The following PYROXD1 variants were observed in gnomAD, a reference collection of about 807,000 sequenced individuals.
The protein encoded by PYROXD1 is pyridine nucleotide-disulphide oxidoreductase domain 1.
Under a neutral mutation model 62.0 loss-of-function variants are expected in PYROXD1, and 42 were observed. The ratio of observed to expected loss-of-function variants is 0.68; its 90% CI spans 0.53 to 0.88. The LOEUF is 0.88. Ranked by LOEUF, PYROXD1 falls within the 40% of genes least tolerant of loss-of-function variation. The probability of loss-of-function intolerance (pLI) is 0.00; values close to 1 mark genes in which losing one functional copy is unlikely to be tolerated. For synonymous variants in PYROXD1, 170 were observed against 206.4 expected (o/e 0.82, Z 1.51); for missense variants, 493 against 604.8 (o/e 0.82, Z 1.94).
intron 10 of PYROXD1, among the ~76,000 whole-genome samples, chr12:21,465,160 T>C (rs1337937300): frequency 4.6e-5 from 7 of 152,216 alleles, no homozygotes; most frequent in Non-Finnish European, 1.0e-4. Flanking sequence ...AGCAGCATGA[T>C]TTATAATCCT....
At chr12:21,459,582 G>A (rs1942657432) in intron 7 of PYROXD1, among the ~76,000 whole-genome samples, 1 of 152,172 alleles carries the variant, frequency 6.6e-6, no homozygotes, top group South Asian at 2.1e-4. Flanking sequence ...AAAACACCCG[G>A]GGCATGCAAT....
chr12:21,437,728 A>C lies in PYROXD1; in HGVS notation c.-3A>C. The C allele has an allele frequency of 6.2e-7, 1 of 1,611,432 alleles. No individual in the cohort carries two copies. The highest frequency in any genetic ancestry group is 8.5e-7 in the Non-Finnish European group (1 of 1,179,190). ...TTCAGTAAACCACTGGGAGTCCGGC[A>C]GCATGGAGGCAGCGCGCCCTCCCCC... is the stretch of plus-strand genomic sequence containing the variant. On this transcript the variant is annotated 5_prime_UTR_variant, in exon 1 of 12. Transcript: ENST00000240651.
chr12:21,440,758 A>G (rs986361715), intron 2 of PYROXD1, among the ~76,000 whole-genome samples: 2 of 152,202 alleles, frequency 1.3e-5, no homozygotes, highest in African/African-American at 2.4e-5. Context: ...GATCTTGGAA[A>G]AGCTTTCAGC....
intron 5 of PYROXD1, among the ~76,000 whole-genome samples, chr12:21,453,349 A>G (rs1043007187): frequency 6.6e-6 from 1 of 152,006 alleles, no homozygotes; most frequent in Non-Finnish European, 1.5e-5. Flanking sequence ...TTAAAAATGG[A>G]CCCACATAAT....
At position 21,468,818 on chromosome 12, in the gene PYROXD1, A is replaced by G; in HGVS notation, c.*64A>G. On this transcript the variant is annotated 3_prime_UTR_variant, in exon 12 of 12. Transcript: ENST00000240651. Reference sequence around the variant, plus strand: ...GACACCAGAAAAATCACAAGTCAATAAAATGAATGACTGTATTGAGTTAAT... The same window carrying G: ...GACACCAGAAAAATCACAAGTCAATGAAATGAATGACTGTATTGAGTTAAT... 2 of 1,444,586 alleles carry G rather than the reference A, an allele frequency of 1.4e-6. No individual in the cohort carries two copies. Among genetic ancestry groups the G allele is most frequent in the South Asian group, 2.7e-5 (2 of 75,128 alleles). The allele number at this position is 1,444,586 out of a possible 1,614,324, so 89.5% of individuals were successfully genotyped here.
At chr12:21,437,982 G>C (rs1457313940) in intron 1 of PYROXD1, 168 bp downstream of exon 1, 3 of 645,618 alleles carry the variant, frequency 4.6e-6, no homozygotes, top group Admixed American at 3.0e-5. Flanking sequence ...GTGGTCCTCA[G>C]ATGACCTCAC....
At chr12:21,456,989 A>C in intron 7 of PYROXD1, 1 of 376,900 alleles carries the variant, frequency 2.7e-6, no homozygotes. Flanking sequence ...ATGTAGTCTC[A>C]TCTTCAGGAT....
At position 21,456,346 on chromosome 12, in the gene PYROXD1, C is replaced by A. The variant is rs4306326; in HGVS notation, c.750+251C>A. The stretch of plus-strand genomic sequence containing the variant: ...GAGGTGTGATACTGTAATATATATA[C>A]AGTCATACCTTGGAGTATTGCAGGT... On this transcript the variant is annotated intron_variant, in intron 7 of 11. Coordinates refer to ENST00000240651, the MANE Select transcript of PYROXD1 (RefSeq NM_024854.5). 0.19 allele frequency among the ~76,000 whole-genome samples: 29,394 copies of A among 151,918 alleles called. 3,077 individuals carry two copies. The highest frequency in any genetic ancestry group is 0.24 in the South Asian group (1,156 of 4,816).
At chr12:21,453,286 G>A (rs73067991) in intron 5 of PYROXD1, among the ~76,000 whole-genome samples, 3,049 of 152,128 alleles carry the variant, frequency 0.02, 34 homozygotes, top group Middle Eastern at 0.051. Flanking sequence ...ATTGAAGACT[G>A]TATAATTGGA....
At chr12:21,460,803 C>T (rs1190140134) in intron 7 of PYROXD1, 4 of 308,158 alleles carry the variant, frequency 1.3e-5, no homozygotes, top group Non-Finnish European at 2.4e-5. Context: ...ATGCTATCTG[C>T]TAATGCAGCT....
At chr12:21,447,995 A>AC in intron 3 of PYROXD1, 1 of 364,608 alleles carries the variant, frequency 2.7e-6, no homozygotes, top group South Asian at 5.9e-5. Flanking sequence ...AAAAAAAAAA[A>AC]CACATGCGTA....
rs1942707680 is a variant in PYROXD1 at position 21,462,051 on chromosome 12, T to C, written c.924T>C (p.Tyr308=). Residue 308 remains tyrosine (Y), a synonymous_variant, in exon 9 of 12, where the codon TAT becomes TAC. Coordinates refer to ENST00000240651, the MANE Select transcript of PYROXD1 (RefSeq NM_024854.5). Reference sequence around the variant, plus strand: ...TGGAATTGACCAATGAAAAGATATATGGCTGCGATTTCATTGTCAGTGCTA... The same window carrying C: ...TGGAATTGACCAATGAAAAGATATACGGCTGCGATTTCATTGTCAGTGCTA... ...VYVELTNEKI[Y]GCDFIVSATG... 1 of 1,612,700 alleles carries C rather than the reference T, an allele frequency of 6.2e-7. No individual in the cohort carries two copies. Among genetic ancestry groups the C allele is most frequent in the Non-Finnish European group, 8.5e-7 (1 of 1,179,578 alleles).
chr12:21,450,367 G>A (rs1032308711), intron 4 of PYROXD1, among the ~76,000 whole-genome samples: 3 of 152,074 alleles, frequency 2.0e-5, no homozygotes, highest in Admixed American at 6.6e-5. Context: ...AAGGTGAAGC[G>A]TATTCAAAAT....
At chr12:21,438,956 C>A (rs560625133) in intron 1 of PYROXD1, among the ~76,000 whole-genome samples, 1 of 152,212 alleles carries the variant, frequency 6.6e-6, no homozygotes. Context: ...CAAGAGATAT[C>A]AACGGTTATC....
At position 21,449,533 on chromosome 12, in the gene PYROXD1, C is replaced by G. The variant is rs140868103; in HGVS notation, c.286-30C>G. On this transcript the variant is annotated intron_variant, in intron 3 of 11. Transcript: ENST00000240651. ...GTATCCATGTTGATTATGTGTCTCC[C>G]TTTTCTTTCATTGTTTGATGTATTT... 7.7e-3 allele frequency: 12,181 copies of G among 1,587,798 alleles called. 50 individuals carry two copies. Among genetic ancestry groups the G allele is most frequent in the Non-Finnish European group, 9.3e-3 (10,892 of 1,168,998 alleles).
At chr12:21,451,894 A>C (rs1490672892) in intron 4 of PYROXD1, among the ~76,000 whole-genome samples, 187 bp from the exon 5 acceptor site, 1 of 152,208 alleles carries the variant, frequency 6.6e-6, no homozygotes, top group Non-Finnish European at 1.5e-5. Flanking sequence ...GGGATAAAGC[A>C]TAAAGGGGGA....
rs1430667287 is a variant in PYROXD1, at chr12:21,448,142, A to T, written c.286-1421A>T. The T allele has an allele frequency of 5.9e-6, 4 of 676,660 alleles. No individual in the cohort carries two copies. The African/African-American group carries it at 7.2e-5, about 12-fold the overall frequency. The allele number at this position is 676,660 out of a possible 1,614,324, so 41.9% of individuals were successfully genotyped here. Reference sequence around the variant, plus strand: ...CATGTTCTCTTTTTACAGTAAATTCATGGCCATCAGATGATATCAATTTCA... The same window carrying T: ...CATGTTCTCTTTTTACAGTAAATTCTTGGCCATCAGATGATATCAATTTCA... On this transcript the variant is annotated intron_variant, in intron 3 of 11. Transcript: ENST00000240651.
intron 7 of PYROXD1, among the ~76,000 whole-genome samples, chr12:21,459,032 G>A (rs1942648889): frequency 6.6e-6 from 1 of 152,168 alleles, no homozygotes; most frequent in African/African-American, 2.4e-5. Flanking sequence ...ACAATAAAAT[G>A]TTGTGTCTGC....
chr12:21,461,062 T>C lies in PYROXD1; in HGVS notation c.788T>C (p.Val263Ala), dbSNP rs1942688860. ...ATTCACCTTGAAACTATGTGTGAAG[T>C]AAAGAAAATCTACCTTCAGGATGAG... ...HKIHLETMCEVKKIYLQDEFR... is the reference protein window; with the variant it reads ...HKIHLETMCEAKKIYLQDEFR... The change falls in exon 8 of 12, where the codon GTA becomes GCA. Residue 263 changes from valine (V) to alanine (A), a missense_variant. Physicochemically the swap from Val to Ala is moderately conservative, Grantham distance 64 (BLOSUM62 0). Transcript: ENST00000240651. 6.4e-7 allele frequency: 1 copy of C among 1,568,172 alleles called. No homozygotes were observed. The highest frequency in any genetic ancestry group is 8.7e-7 in the Non-Finnish European group (1 of 1,153,452).
Sources: allele counts gnomAD v4.1 joint callset (sites outside exome capture counted in the v4.1 genomes callset), GRCh38; gene constraint gnomAD v4.1.1; transcripts MANE v1.5; gene names NCBI Gene and HGNC (gene_info 2026-07-23, HGNC 2026-07-21).